Variants in HAAO observed in about 807,000 individuals in gnomAD.
HAAO encodes 3-hydroxyanthranilate oxygenase.
In HAAO, 49 loss-of-function variants were observed where a neutral mutation model predicts 46.2. The ratio of observed to expected loss-of-function variants is 1.06; its 90% CI spans 0.84 to 1.34. The LOEUF is 1.34. HAAO is among the 40% of genes most tolerant of loss of function. HAAO has a pLI of 0.00. For missense variants in HAAO, 408 were observed against 364.5 expected (o/e 1.12, Z -0.97); for synonymous variants, 157 against 145.2 (o/e 1.08, Z -0.58).
chr2:42,769,888 T>G (rs1411581010), intron 6 of HAAO, 30 bp from the exon 7 acceptor site: 2 of 1,571,520 alleles, frequency 1.3e-6, no homozygotes, highest in Middle Eastern at 2.1e-4. Context: ...ATAGTCGGTG[T>G]CCTCAGGACC....
At position 42,769,816 on chromosome 2, in the gene HAAO, G is replaced by A; in HGVS notation, c.527C>T (p.Ser176Phe). ...KEPPFPLSTR[S>F]IMEPMSLDAW... Reference sequence around the variant, plus strand: ...ATCCAGGGACATGGGCTCCATGATGGATCGTGTGCTCAGAGGGAATGGTGG... The same window carrying A: ...ATCCAGGGACATGGGCTCCATGATGAATCGTGTGCTCAGAGGGAATGGTGG... Residue 176 changes from serine to phenylalanine, a missense_variant, in exon 7 of 10, where the codon TCC (serine) becomes TTC (phenylalanine). Physicochemically the swap from Ser to Phe is radical, Grantham distance 155. Transcript: ENST00000294973. 4.3e-6 allele frequency: 7 copies of A among 1,613,864 alleles called. No individual in the cohort carries two copies. The highest frequency in any genetic ancestry group is 5.9e-6 in the Non-Finnish European group (7 of 1,179,926).
At chr2:42,768,105 G>A (rs191165626) in intron 7 of HAAO, among the ~76,000 whole-genome samples, 177 bp from the exon 8 acceptor site, 1 of 152,330 alleles carries the variant, frequency 6.6e-6, no homozygotes, top group East Asian at 1.9e-4. Context: ...CTGGGCTGCA[G>A]GCCTCCCTGT....
chr2:42,782,699 C>T (rs1250858187), intron 4 of HAAO: 5 of 235,642 alleles, frequency 2.1e-5, no homozygotes, highest in Non-Finnish European at 4.4e-5. Flanking sequence ...AAATGCATAT[C>T]TGATTGCCTC....
chr2:42,778,196 A>G (rs981346513), intron 4 of HAAO, among the ~76,000 whole-genome samples: 5 of 152,008 alleles, frequency 3.3e-5, no homozygotes, highest in African/African-American at 1.2e-4. Context: ...GTTGCTTAGG[A>G]AAAAAACTGA....
intron 4 of HAAO, among the ~76,000 whole-genome samples, chr2:42,778,530 C>T (rs2104653961): frequency 6.6e-6 from 1 of 152,188 alleles, no homozygotes; most frequent in Non-Finnish European, 1.5e-5. Context: ...GAGGTTTCAC[C>T]ATGTTGGCCA....
At chr2:42,774,993 A>C (rs1671433273) in intron 4 of HAAO, among the ~76,000 whole-genome samples, 1 of 152,202 alleles carries the variant, frequency 6.6e-6, no homozygotes. Flanking sequence ...TCACACCTGT[A>C]ATCCCAGCAC....
chr2:42,767,835 A>C lies in HAAO; in HGVS notation c.699+25T>G, dbSNP rs1558656990. 1.9e-6 allele frequency: 3 copies of C among 1,611,300 alleles called. No homozygotes were observed. The African/African-American group carries it at 4.0e-5, about 22-fold the overall frequency. ...GATGCCCTCTGGCAGGGGGTTCTGC[A>C]ACCCTGTCCCTGGGCCCCACTTGCC... On this transcript the variant is annotated intron_variant, in intron 8 of 9. Coordinates refer to ENST00000294973, the MANE Select transcript of HAAO (RefSeq NM_012205.3).
intron 2 of HAAO, among the ~76,000 whole-genome samples, chr2:42,786,395 G>C (rs1373999487): frequency 1.3e-5 from 2 of 152,164 alleles, no homozygotes; most frequent in Non-Finnish European, 2.9e-5. Context: ...AACTGTACTG[G>C]CTCAGGCAGA....
rs202170808 is a variant in HAAO at position 42,767,407 on chromosome 2, C to G, written c.*30G>C. ...TGGCACTCGAGGGTGCTTGGCACAC[C>G]TGTGGCTGCTTCAGGCCATGGCAAG... is the stretch of plus-strand genomic sequence containing the variant. On this transcript the variant is annotated 3_prime_UTR_variant, in exon 10 of 10. Transcript: ENST00000294973. 3.1e-5 allele frequency: 48 copies of G among 1,549,104 alleles called. No homozygotes were observed. In the East Asian group the frequency reaches 8.8e-4, roughly 28 times the overall value.
chr2:42,767,840 T>G lies in HAAO; in HGVS notation c.699+20A>C. On this transcript the variant is annotated intron_variant, in intron 8 of 9. Transcript: ENST00000294973. ...CCTCTGGCAGGGGGTTCTGCAACCC[T>G]GTCCCTGGGCCCCACTTGCCAGCTG... 1.2e-6 allele frequency: 2 copies of G among 1,612,114 alleles called. No homozygotes were observed. The highest frequency in any genetic ancestry group is 1.7e-6 in the Non-Finnish European group (2 of 1,178,170).
At position 42,783,414 on chromosome 2, in the gene HAAO, G is replaced by T; in HGVS notation, c.250C>A (p.Leu84Ile). 6.3e-7 allele frequency: 1 copy of T among 1,598,710 alleles called. No individual in the cohort carries two copies. Among genetic ancestry groups the T allele is most frequent in the Non-Finnish European group, 8.6e-7 (1 of 1,166,740 alleles). The change falls in exon 4 of 10, where the codon CTC (leucine) becomes ATC (isoleucine). Residue 84 changes from leucine (L) to isoleucine (I), a missense_variant. Coordinates refer to ENST00000294973, the MANE Select transcript of HAAO (RefSeq NM_012205.3). The part of the protein sequence containing the change: ...DVVIRQGEIF[L>I]LPARVPHSPQ... ...GAGTGGGGCACCCTGGCAGGCAGGA[G>T]GAATATCTGCAGTGGTAGAGATAAG...
intron 7 of HAAO, 40 bp from the exon 8 acceptor site, chr2:42,767,968 C>T: frequency 6.4e-7 from 1 of 1,569,626 alleles, no homozygotes; most frequent in East Asian, 2.2e-5. Flanking sequence ...TGCTTCTTGC[C>T]CCACATGGGA....
At chr2:42,784,964 C>G (rs1410602059) in intron 2 of HAAO, among the ~76,000 whole-genome samples, 1 of 152,230 alleles carries the variant, frequency 6.6e-6, no homozygotes, top group Non-Finnish European at 1.5e-5. Context: ...CTCAGTAATT[C>G]TACCTCAGGA....
chr2:42,783,367 G>A lies in HAAO; in HGVS notation c.297C>T (p.Thr99=), dbSNP rs764906313. 16 of 1,613,350 alleles carry A rather than the reference G, an allele frequency of 9.9e-6. No individual in the cohort carries two copies. The highest frequency in any genetic ancestry group is 3.3e-4 in the Middle Eastern group (2 of 6,084). ...VPHSPQRFAN[T]VGLVVERRRL... ...GCCTTCGCTCAACCACCAGCCCCAC[G>A]GTGTTGGCAAACCTCTGTGGTGAGT... The change falls in exon 4 of 10, where the codon ACC becomes ACT. Residue 99 remains threonine (T), a synonymous_variant. Transcript: ENST00000294973.
At chr2:42,767,976 G>T in intron 7 of HAAO, 48 bp from the exon 8 acceptor site, 1 of 1,548,164 alleles carries the variant, frequency 6.5e-7, no homozygotes, top group South Asian at 1.1e-5. Flanking sequence ...GCCCCACATG[G>T]GAGATGGTCT....
At chr2:42,771,458 AAAAG>A (rs1200649394) in intron 4 of HAAO, among the ~76,000 whole-genome samples, 75 of 151,712 alleles carry the variant, frequency 4.9e-4, no homozygotes, top group South Asian at 3.1e-3. Flanking sequence ...AAAAAAAAAA[AAAAG>A]AAGCCAACAC....
At chr2:42,770,065 C>A in intron 6 of HAAO, 78 bp downstream of exon 6, 1 of 1,386,414 alleles carries the variant, frequency 7.2e-7, no homozygotes, top group South Asian at 1.2e-5. Flanking sequence ...AAGAGACTCC[C>A]CGGTCCCCTG....
In HAAO at chr2:42,767,902, G is replaced by A. The variant is rs143302388; in HGVS notation, c.657C>T (p.Ser219=). The change falls in exon 8 of 10, where the codon AGC becomes AGT. Residue 219 remains serine (S), a synonymous_variant. Transcript: ENST00000294973. Reference sequence around the variant, plus strand: ...CGTCCACATTCTGTCTCAGGCCTTCGCTGCTGCCTTGCCCATAGGCGATCA... The same window carrying A: ...CGTCCACATTCTGTCTCAGGCCTTCACTGCTGCCTTGCCCATAGGCGATCA... ...TQVIAYGQGS[S]EGLRQNVDVW... 2.2e-4 allele frequency: 354 copies of A among 1,613,984 alleles called. No homozygotes were observed. In the East Asian group the frequency reaches 2.3e-3, roughly 10 times the overall value.
chr2:42,780,757 T>C (rs1671927983), intron 4 of HAAO, among the ~76,000 whole-genome samples: 1 of 151,922 alleles, frequency 6.6e-6, no homozygotes, highest in Non-Finnish European at 1.5e-5. Context: ...GTGTGTGCTA[T>C]TGACAGCTTT....
Sources: gnomAD v4.1 joint callset for allele counts (sites outside exome capture counted in the v4.1 genomes callset) on GRCh38, gnomAD v4.1.1 for gene constraint, MANE v1.5 for transcripts, NCBI Gene and HGNC (gene_info 2026-07-23, HGNC 2026-07-21) for gene names.